KMT2E: variants seen among roughly 807,000 people sequenced by gnomAD.
KMT2E encodes lysine methyltransferase 2E (inactive).
In KMT2E, 30 loss-of-function variants were observed where a neutral mutation model predicts 184.6. The ratio of observed to expected loss-of-function variants is 0.16; its 90% CI spans 0.12 to 0.22. The LOEUF (loss-of-function observed/expected upper bound fraction) is 0.22. KMT2E is among the 10% of genes least tolerant of loss of function. KMT2E has a pLI of 1.00. For missense variants in KMT2E, 2,023 were observed against 2,237.4 expected, an observed-to-expected ratio of 0.90 and a Z score of 1.93; for synonymous variants, 815 against 776.5, an observed-to-expected ratio of 1.05 and a Z score of -0.82.
At chr7:105,087,963 T>C (rs1184145785) in intron 13 of KMT2E, among the ~76,000 whole-genome samples, 2 of 152,136 alleles carry the variant, frequency 1.3e-5, no homozygotes, top group East Asian at 3.8e-4. Flanking sequence ...TTTTAAAATG[T>C]TCATTATGTT....
chr7:105,042,583 G>A (rs938043007), intron 3 of KMT2E, among the ~76,000 whole-genome samples: 3 of 152,198 alleles, frequency 2.0e-5, no homozygotes, highest in African/African-American at 7.2e-5. Context: ...GTAGAGTTAG[G>A]TTTGAACCCA....
At position 105,112,218 on chromosome 7, in the gene KMT2E, G is replaced by A. The variant is rs771492930; in HGVS notation, c.4462G>A (p.Val1488Ile). The A allele has an allele frequency of 4.3e-6, 7 of 1,614,014 alleles. No homozygotes were observed. The highest frequency in any genetic ancestry group is 1.3e-5 in the African/African-American group (1 of 74,912). ...GCCTCATCATTCACAGTCACCTCAA[G>A]TTGGAACACCTCAGCGAGAGCCTCA... Reference protein sequence around the residue: ...YRPHHSQSPQVGTPQREPQRN... With the variant: ...YRPHHSQSPQIGTPQREPQRN... The change falls in exon 27 of 27, where the codon GTT becomes ATT. Residue 1488 changes from valine (V) to isoleucine (I), a missense_variant. Val to Ile is a conservative substitution (Grantham distance 29). Around this residue, in one of 8 missense-constraint regions of KMT2E, gnomAD observed 1,108 missense variants for 1,050.9 expected, o/e 1.05. Transcript: ENST00000311117.
intron 17 of KMT2E, chr7:105,103,647 A>AG (rs1470684246): frequency 6.6e-6 from 1 of 152,106 alleles, no homozygotes; most frequent in Non-Finnish European, 1.5e-5. Context: ...CTGCAGTCCT[A>AG]GGAATGGAGT....
Position 105,113,134 on chromosome 7 carries a change from C to CTCA in KMT2E, c.5381_5383dup (p.His1794dup). On this transcript the variant is annotated inframe_insertion, in exon 27 of 27. Transcript: ENST00000311117. Reference sequence around the variant, plus strand: ...CATTGTCCATTACCTGTCACAGGTCCTCATCTCCAGCCCCAAGGACCAAAC... The same window carrying CTCA: ...CATTGTCCATTACCTGTCACAGGTCCTCATCATCTCCAGCCCCAAGGACCAAAC... 5.0e-6 allele frequency: 8 copies of CTCA among 1,614,174 alleles called. No homozygotes were observed. The highest frequency in any genetic ancestry group is 1.3e-5 in the African/African-American group (1 of 75,036).
chr7:105,016,376 T>G (rs925211789), intron 1 of KMT2E, among the ~76,000 whole-genome samples: 3 of 152,160 alleles, frequency 2.0e-5, no homozygotes, highest in Admixed American at 1.3e-4. Context: ...ATCATCATTA[T>G]GTAAGTTAAA....
chr7:105,057,709 C>T (rs528701699), intron 3 of KMT2E, among the ~76,000 whole-genome samples: 6 of 152,152 alleles, frequency 3.9e-5, no homozygotes, highest in Non-Finnish European at 7.4e-5. Context: ...CTTTTGGCCC[C>T]CAAAAGTGCT....
In KMT2E at chr7:105,102,114, A is replaced by C. The variant is rs747896735; in HGVS notation, c.2116A>C (p.Thr706Pro). 2 of 1,613,174 alleles carry C rather than the reference A, an allele frequency of 1.2e-6. No individual in the cohort carries two copies. The highest frequency in any genetic ancestry group is 2.2e-5 in the South Asian group (2 of 91,008). ...ACTTACAATAGAACCAGAAACTGAAACTGCACTAGCAGAAATAATTACTGA... is the reference window on the plus strand; with the variant it reads ...ACTTACAATAGAACCAGAAACTGAACCTGCACTAGCAGAAATAATTACTGA... The part of the protein sequence containing the change: ...TVLTIEPETE[T>P]ALAEIITETE... The change falls in exon 17 of 27, where the codon ACT (threonine) becomes CCT (proline). Residue 706 changes from threonine to proline, a missense_variant. This residue lies in a region of KMT2E where 514 missense variants were observed against 621.8 expected (regional missense o/e 0.83). Transcript: ENST00000311117.
At chr7:105,072,078 C>T (rs1797344831) in intron 6 of KMT2E, among the ~76,000 whole-genome samples, 2 of 151,656 alleles carry the variant, frequency 1.3e-5, no homozygotes, top group Non-Finnish European at 2.9e-5. Context: ...TTGGGGGAGG[C>T]CCAGGCGGGT....
intron 1 of KMT2E, among the ~76,000 whole-genome samples, chr7:105,023,402 CAAAAAAA>C (rs1158885663): frequency 7.2e-5 from 4 of 55,936 alleles, no homozygotes; most frequent in African/African-American, 1.4e-4. Context: ...GACTCTGTCT[CAAAAAAA>C]AAAAAAAAAA....
In KMT2E at chr7:105,090,082, A is replaced by C; in HGVS notation, c.1432A>C (p.Met478Leu). 1 of 1,613,866 alleles carries C rather than the reference A, an allele frequency of 6.2e-7. No individual in the cohort carries two copies. Among genetic ancestry groups the C allele is most frequent in the Non-Finnish European group, 8.5e-7 (1 of 1,179,914 alleles). ...CPVLKRSSES[M>L]ENINSGYETR... ...TGTTCTAAAACGTAGTTCTGAATCCATGGAAAATATCAATAGTGGTTATGA... is the reference window on the plus strand; with the variant it reads ...TGTTCTAAAACGTAGTTCTGAATCCCTGGAAAATATCAATAGTGGTTATGA... The change falls in exon 14 of 27, where the codon ATG (methionine) becomes CTG (leucine). Residue 478 changes from methionine to leucine, a missense_variant. This residue lies in a region of KMT2E where 514 missense variants were observed against 621.8 expected (regional missense o/e 0.83). Transcript: ENST00000311117.
intron 12 of KMT2E, among the ~76,000 whole-genome samples, chr7:105,080,156 A>G (rs1326218088): frequency 1.3e-5 from 2 of 152,090 alleles, no homozygotes; most frequent in Admixed American, 6.6e-5. Context: ...CTAATACTGG[A>G]CGACTTTCCT....
chr7:105,085,629 C>CTA (rs1259713558), intron 13 of KMT2E, among the ~76,000 whole-genome samples: 1 of 152,102 alleles, frequency 6.6e-6, no homozygotes, highest in Non-Finnish European at 1.5e-5. Context: ...AGCCCCTTAA[C>CTA]GTTTAGCAGC....
rs1488388236 is a variant in KMT2E, at chr7:105,102,344, A to G, written c.2196+150A>G. 5.3e-6 allele frequency: 3 copies of G among 570,064 alleles called. No homozygotes were observed. The African/African-American group carries it at 5.9e-5, about 11-fold the overall frequency. 35.3% of individuals were successfully genotyped at this position (570,064 alleles called of 1,614,324 possible). On this transcript the variant is annotated intron_variant, in intron 17 of 26. Coordinates refer to ENST00000311117, the MANE Select transcript of KMT2E (RefSeq NM_182931.3). ...TTTAAAACTAAGAATGAGAATTCCA[A>G]AACTGTAAAATTAATATAAATGTTT...
chr7:105,106,077 T>G (rs1798886786), intron 19 of KMT2E, 74 bp downstream of exon 19: 7 of 1,278,974 alleles, frequency 5.5e-6, no homozygotes, highest in Admixed American at 2.6e-5. Flanking sequence ...ACAGGCATAT[T>G]TCTAGTTACT....
chr7:105,113,420 G>A lies in KMT2E; in HGVS notation c.*87G>A. The A allele has an allele frequency of 1.5e-6, 2 of 1,369,188 alleles. No homozygotes were observed. Among genetic ancestry groups the A allele is most frequent in the East Asian group, 2.5e-5 (1 of 39,898 alleles). 84.8% of individuals were successfully genotyped at this position (1,369,188 alleles called of 1,614,324 possible). ...CCTGTTAAGGTACTTTTTAAAGCTT[G>A]TACATGAACCTTTGTATAAAAAACA... On this transcript the variant is annotated 3_prime_UTR_variant, in exon 27 of 27. Transcript: ENST00000311117.
At chr7:105,041,208 TTTTCCTTTTA>T (rs1393637222) in intron 3 of KMT2E, among the ~76,000 whole-genome samples, 185 bp downstream of exon 3, 2 of 152,164 alleles carry the variant, frequency 1.3e-5, no homozygotes, top group African/African-American at 4.8e-5. Flanking sequence ...GCTATCTTTG[TTTTCCTTTTA>T]AATAGCATTA....
chr7:105,067,737 G>A (rs1198468597), intron 6 of KMT2E, among the ~76,000 whole-genome samples: 2 of 152,182 alleles, frequency 1.3e-5, no homozygotes, highest in East Asian at 3.9e-4. Flanking sequence ...TTGGGAGGCC[G>A]AGGTAGGTAG....
At chr7:105,055,659 G>A (rs930592067) in intron 3 of KMT2E, among the ~76,000 whole-genome samples, 1 of 152,198 alleles carries the variant, frequency 6.6e-6, no homozygotes, top group African/African-American at 2.4e-5. Context: ...GTTGTCTGTA[G>A]ATCATGCTTA....
In KMT2E at chr7:105,112,696, A is replaced by G; in HGVS notation, c.4940A>G (p.His1647Arg). Residue 1647 changes from histidine (H) to arginine (R), a missense_variant, in exon 27 of 27, where the codon CAT becomes CGT. By Grantham distance (29) the His-to-Arg change is conservative. Around this residue, in one of 8 missense-constraint regions of KMT2E, gnomAD observed 1,108 missense variants for 1,050.9 expected, o/e 1.05. Coordinates refer to ENST00000311117, the MANE Select transcript of KMT2E (RefSeq NM_182931.3). ...CACCTTGTACAACAGCCGAATTCCC[A>G]TCAGCAACACTCTGTAGCACATGTA... ...GPHLVQQPNS[H>R]QQHSVAHVVG... is the part of the protein sequence containing the mutation. 6.2e-7 allele frequency: 1 copy of G among 1,613,574 alleles called. No individual in the cohort carries two copies. The highest frequency in any genetic ancestry group is 1.7e-5 in the Admixed American group (1 of 59,958).
Sources: gnomAD v4.1 joint callset for allele counts (sites outside exome capture counted in the v4.1 genomes callset) on GRCh38, gnomAD v4.1.1 for gene constraint, gnomAD v4.1.1 regional missense constraint, MANE v1.5 for transcripts, NCBI Gene and HGNC (gene_info 2026-07-23, HGNC 2026-07-21) for gene names.